The following SH3GL2 variants were observed in gnomAD, a reference collection of about 807,000 sequenced individuals.
SH3GL2 encodes SH3 domain containing GRB2 like 2, endophilin A1.
Under a neutral mutation model 46.0 loss-of-function variants are expected in SH3GL2, and 24 were observed. That is an observed-to-expected ratio of 0.52 (90% CI 0.38 to 0.73). SH3GL2 has a LOEUF of 0.73. SH3GL2 is among the 30% of genes least tolerant of loss of function. The pLI is 0.00. For missense variants in SH3GL2, 413 were observed against 424.2 expected (o/e 0.97, Z 0.23); for synonymous variants, 196 against 147.1 (o/e 1.33, Z -2.40).
chr9:17,768,144 G>A (rs1325732070), intron 3 of SH3GL2, among the ~76,000 whole-genome samples: 3 of 151,956 alleles, frequency 2.0e-5, no homozygotes, highest in Non-Finnish European at 4.4e-5. Flanking sequence ...GGCCGAGGTG[G>A]GCGGATCACG....
chr9:17,640,054 G>A (rs1468645855), intron 1 of SH3GL2, among the ~76,000 whole-genome samples: 1 of 152,132 alleles, frequency 6.6e-6, no homozygotes, highest in Non-Finnish European at 1.5e-5. Flanking sequence ...CTTGAATGTG[G>A]TGGGAGTTAT....
rs376280314 is a variant in SH3GL2 at position 17,738,641 on chromosome 9, T to TATATATAG, written c.46-8424_46-8423insTATATAGA. 5.9e-3 allele frequency among the ~76,000 whole-genome samples: 521 copies of TATATATAG among 88,854 alleles called. 7 individuals are homozygous for TATATATAG. Among genetic ancestry groups the TATATATAG allele is most frequent in the African/African-American group, 0.017 (447 of 26,830 alleles). The allele number at this position is 88,854 out of a possible 152,430, so 58.3% of individuals were successfully genotyped here. A position where few individuals can be genotyped will look rare whatever the true frequency, so the allele number is the denominator to read the frequency against. On this transcript the variant is annotated intron_variant, in intron 1 of 8. Transcript: ENST00000380607. ...TCATGTGATTTTATATATATATATA[T>TATATATAG]AGAGAGAGAGAGAGAGAGAGAGAGA...
chr9:17,706,264 T>C (rs1743108030), intron 1 of SH3GL2, among the ~76,000 whole-genome samples: 1 of 152,122 alleles, frequency 6.6e-6, no homozygotes, highest in South Asian at 2.1e-4. Context: ...TCATACTTCT[T>C]CCTTTCATAC....
intron 1 of SH3GL2, among the ~76,000 whole-genome samples, chr9:17,656,707 T>C (rs1174932556): frequency 6.8e-6 from 1 of 147,168 alleles, no homozygotes; most frequent in Non-Finnish European, 1.5e-5. Flanking sequence ...GAGGCGGAGC[T>C]TGTAGTGAGC....
At chr9:17,638,356 G>A (rs997745617) in intron 1 of SH3GL2, among the ~76,000 whole-genome samples, 1 of 152,110 alleles carries the variant, frequency 6.6e-6, no homozygotes, top group East Asian at 1.9e-4. Context: ...GCCCTCTGCT[G>A]AGTGCTAGAG....
intron 2 of SH3GL2, among the ~76,000 whole-genome samples, chr9:17,760,154 T>C (rs980574203): frequency 6.6e-6 from 1 of 152,148 alleles, no homozygotes; most frequent in Non-Finnish European, 1.5e-5. Context: ...TTTGAATCAA[T>C]CAAAAGGATA....
chr9:17,645,319 T>G (rs977671494), intron 1 of SH3GL2, among the ~76,000 whole-genome samples: 4 of 152,032 alleles, frequency 2.6e-5, no homozygotes, highest in Non-Finnish European at 5.9e-5. Context: ...TCTTGAATCT[T>G]TATGCAATTT....
chr9:17,777,580 G>C (rs1293589561), intron 3 of SH3GL2, among the ~76,000 whole-genome samples: 1 of 152,096 alleles, frequency 6.6e-6, no homozygotes, highest in Non-Finnish European at 1.5e-5. Flanking sequence ...TATAGTCCAA[G>C]ATCAAGTTGC....
In SH3GL2 at chr9:17,679,655, T is replaced by C. The variant is rs987613358; in HGVS notation, c.46-67411T>C. ...TGCCTGATTGCCCTGGCCAGAACTT[T>C]CAACACTATGTTGAATAGGAGTGGT... On this transcript the variant is annotated intron_variant, in intron 1 of 8. Coordinates refer to ENST00000380607, the MANE Select transcript of SH3GL2 (RefSeq NM_003026.5). Among the ~76,000 whole-genome samples the C allele has an allele frequency of 2.3e-4, 35 of 152,218 alleles. 1 individual carries two copies. The East Asian group carries it at 3.1e-3, about 13-fold the overall frequency.
intron 1 of SH3GL2, among the ~76,000 whole-genome samples, chr9:17,664,490 C>A (rs936009071): frequency 5.9e-5 from 9 of 152,126 alleles, no homozygotes; most frequent in African/African-American, 1.9e-4. Context: ...GTATAATGAT[C>A]TTGAGCTCAC....
intron 1 of SH3GL2, among the ~76,000 whole-genome samples, chr9:17,621,257 A>T (rs1382407362): frequency 6.6e-6 from 1 of 152,188 alleles, no homozygotes; most frequent in African/African-American, 2.4e-5. Context: ...AACAGTTTTG[A>T]TATGCAGGAT....
At chr9:17,624,801 G>C (rs1001094816) in intron 1 of SH3GL2, among the ~76,000 whole-genome samples, 3 of 152,206 alleles carry the variant, frequency 2.0e-5, no homozygotes, top group African/African-American at 4.8e-5. Context: ...AGTGGAGAAA[G>C]GGTATAGGCA....
At chr9:17,762,715 A>C (rs997993687) in intron 3 of SH3GL2, among the ~76,000 whole-genome samples, 1 of 152,224 alleles carries the variant, frequency 6.6e-6, no homozygotes, top group African/African-American at 2.4e-5. Context: ...TACATTTTCA[A>C]ATGCTTAGCA....
chr9:17,760,029 C>G (rs1029479005), intron 2 of SH3GL2, among the ~76,000 whole-genome samples: 8 of 152,114 alleles, frequency 5.3e-5, no homozygotes, highest in Non-Finnish European at 1.0e-4. Context: ...TTTGCTAATA[C>G]TAGGACCTTC....
At chr9:17,758,556 T>C (rs1285372998) in intron 2 of SH3GL2, among the ~76,000 whole-genome samples, 1 of 27,638 alleles carries the variant, frequency 3.6e-5, no homozygotes, top group Non-Finnish European at 7.8e-5. Context: ...AGTAAGACCC[T>C]GTCTCAAAAA....
At chr9:17,663,951 C>T (rs1820284102) in intron 1 of SH3GL2, among the ~76,000 whole-genome samples, 1 of 152,024 alleles carries the variant, frequency 6.6e-6, no homozygotes, top group Admixed American at 6.5e-5. Context: ...GTCTCCATTT[C>T]TTGGTTACTG....
intron 7 of SH3GL2, 81 bp downstream of exon 7, chr9:17,791,415 C>T: frequency 9.9e-7 from 1 of 1,013,700 alleles, no homozygotes. Flanking sequence ...TCATAGAATA[C>T]ATTTGGAGAC....
chr9:17,779,052 G>A (rs1197093337), intron 3 of SH3GL2, among the ~76,000 whole-genome samples: 1 of 152,064 alleles, frequency 6.6e-6, no homozygotes, highest in Non-Finnish European at 1.5e-5. Context: ...AGAGATACAT[G>A]AGAATCATCA....
intron 3 of SH3GL2, among the ~76,000 whole-genome samples, chr9:17,774,056 C>G (rs1041634160): frequency 1.3e-5 from 2 of 152,008 alleles, no homozygotes; most frequent in Non-Finnish European, 2.9e-5. Context: ...CTTTTTGATA[C>G]TATTGTAAAT....
Sources: gnomAD v4.1 joint callset for allele counts (sites outside exome capture counted in the v4.1 genomes callset) on GRCh38, gnomAD v4.1.1 for gene constraint, MANE v1.5 for transcripts, NCBI Gene and HGNC (gene_info 2026-07-23, HGNC 2026-07-21) for gene names.